CACUL1: variants seen among roughly 807,000 people sequenced by gnomAD.
CACUL1 encodes the protein CDK2-associated and cullin domain-containing protein 1.
Under a neutral mutation model 45.2 loss-of-function variants are expected in CACUL1, and 13 were observed. The observed-to-expected ratio is 0.29, with a 90% confidence interval of 0.19 to 0.46. The LOEUF (loss-of-function observed/expected upper bound fraction) is 0.46. CACUL1 is among the 20% of genes least tolerant of loss of function. The pLI, the probability that CACUL1 is intolerant of heterozygous loss-of-function variation, is 1.00. For missense variants in CACUL1, 421 were observed against 471.4 expected, an observed-to-expected ratio of 0.89 and a Z score of 0.99; for synonymous variants, 197 against 174.2, an observed-to-expected ratio of 1.13 and a Z score of -1.03.
At chr10:118,735,632 T>G (rs989768630) in intron 1 of CACUL1, among the ~76,000 whole-genome samples, 1 of 152,188 alleles carries the variant, frequency 6.6e-6, no homozygotes, top group East Asian at 1.9e-4. Flanking sequence ...TGCTAATATA[T>G]GGCTTGTCTG....
chr10:118,745,740 C>A (rs1414146258), intron 1 of CACUL1, among the ~76,000 whole-genome samples: 1 of 151,924 alleles, frequency 6.6e-6, no homozygotes, highest in Non-Finnish European at 1.5e-5. Flanking sequence ...ATGTTGTCTA[C>A]AAGAAATGTA....
rs34008762 is a variant in CACUL1, at chr10:118,708,147, C to CAAAA, written c.598-564_598-561dup. On this transcript the variant is annotated intron_variant, in intron 3 of 8. Coordinates refer to ENST00000369151, the MANE Select transcript of CACUL1 (RefSeq NM_153810.5). Reference sequence around the variant, plus strand: ...TGGGTGACAGAGCGAAACACTGTCTCAAAAAAAAAAAAAAAAAAAAGATGC... The same window carrying CAAAA: ...TGGGTGACAGAGCGAAACACTGTCTCAAAAAAAAAAAAAAAAAAAAAAAAGATGC... Among the ~76,000 whole-genome samples, 35 of 103,866 alleles carry CAAAA rather than the reference C, an allele frequency of 3.4e-4. 2 individuals are homozygous for CAAAA. Among genetic ancestry groups the CAAAA allele is most frequent in the Admixed American group, 1.3e-3 (12 of 8,922 alleles). The allele number at this position is 103,866 out of a possible 152,430, so 68.1% of individuals were successfully genotyped here. A position where few individuals can be genotyped will look rare whatever the true frequency, so the allele number is the denominator to read the frequency against.
rs4752188 is a variant in CACUL1 at position 118,679,614 on chromosome 10, G to A, written c.*6514C>T. On this transcript the variant is annotated 3_prime_UTR_variant, in exon 9 of 9. Coordinates refer to ENST00000369151, the MANE Select transcript of CACUL1 (RefSeq NM_153810.5). ...GTTCACTGAAACCTCTGCCTCCTGGGTTCAGGCGATTTTCCTGCCTCAGCC... is the reference window on the plus strand; with the variant it reads ...GTTCACTGAAACCTCTGCCTCCTGGATTCAGGCGATTTTCCTGCCTCAGCC... 0.57 allele frequency: 87,053 copies of A among 151,692 alleles called. 26,341 individuals carry two copies. Among genetic ancestry groups the A allele is most frequent in the Middle Eastern group, 0.7 (203 of 290 alleles). The allele number at this position is 151,692 out of a possible 1,614,324, so 9.4% of individuals were successfully genotyped here. A position where few individuals can be genotyped will look rare whatever the true frequency, so the allele number is the denominator to read the frequency against.
chr10:118,707,769 C>CT lies in CACUL1; in HGVS notation c.598-183dup, dbSNP rs556883160. 3.3e-5 allele frequency among the ~76,000 whole-genome samples: 5 copies of CT among 151,792 alleles called. No homozygotes were observed. In the East Asian group the frequency reaches 9.7e-4, roughly 29 times the overall value. On this transcript the variant is annotated intron_variant, in intron 3 of 8. Transcript: ENST00000369151. ...ACTTCCACCTTTGTTCCAAAATCTG[C>CT]TATGTAAAACTGAAGTTTAGCCATC... is the stretch of plus-strand genomic sequence containing the variant.
At chr10:118,701,713 C>T (rs181706021) in intron 4 of CACUL1, among the ~76,000 whole-genome samples, 1 of 152,326 alleles carries the variant, frequency 6.6e-6, no homozygotes, top group Admixed American at 6.5e-5. Flanking sequence ...TTTAAAAATA[C>T]ATCACCAAAA....
At chr10:118,712,716 C>T (rs1048558619) in intron 3 of CACUL1, among the ~76,000 whole-genome samples, 8 of 152,208 alleles carry the variant, frequency 5.3e-5, no homozygotes, top group African/African-American at 1.9e-4. Context: ...ACTGTGTGCA[C>T]AGCTCTCAGC....
At chr10:118,692,871 C>CA (rs932206795) in intron 6 of CACUL1, 1 of 152,162 alleles carries the variant, frequency 6.6e-6, no homozygotes, top group Non-Finnish European at 1.5e-5. Context: ...ATAAGCACTG[C>CA]AAATGATACA....
At chr10:118,701,666 G>A (rs1589605323) in intron 4 of CACUL1, among the ~76,000 whole-genome samples, 1 of 152,172 alleles carries the variant, frequency 6.6e-6, no homozygotes, top group Non-Finnish European at 1.5e-5. Flanking sequence ...AGACAGGGAT[G>A]TACAAACATT....
intron 8 of CACUL1, among the ~76,000 whole-genome samples, 183 bp downstream of exon 8, chr10:118,686,415 T>C (rs1005587149): frequency 6.6e-6 from 1 of 152,184 alleles, no homozygotes; most frequent in African/African-American, 2.4e-5. Flanking sequence ...TCCAATGCCC[T>C]GAGAACCATC....
chr10:118,739,368 G>A (rs568866169), intron 1 of CACUL1, among the ~76,000 whole-genome samples: 149 of 152,072 alleles, frequency 9.8e-4, no homozygotes, highest in African/African-American at 3.4e-3. Flanking sequence ...TGTAAAGGGA[G>A]AGAAATATTA....
intron 4 of CACUL1, 91 bp downstream of exon 4, chr10:118,707,401 G>T: frequency 1.7e-6 from 1 of 572,516 alleles, no homozygotes. Flanking sequence ...TGTAGTAAAA[G>T]AAAAACAGAA....
intron 7 of CACUL1, among the ~76,000 whole-genome samples, chr10:118,686,989 TTAGG>T (rs1845213762): frequency 6.6e-6 from 1 of 152,214 alleles, no homozygotes; most frequent in African/African-American, 2.4e-5. Flanking sequence ...ACTCAAATGC[TTAGG>T]TAATGAGAAA....
At chr10:118,687,735 T>C (rs892504184) in intron 7 of CACUL1, among the ~76,000 whole-genome samples, 1 of 152,228 alleles carries the variant, frequency 6.6e-6, no homozygotes, top group African/African-American at 2.4e-5. Flanking sequence ...CTCTGTTCAC[T>C]ATAAGTCAGC....
At chr10:118,735,359 G>C (rs1307943451) in intron 1 of CACUL1, among the ~76,000 whole-genome samples, 1 of 152,150 alleles carries the variant, frequency 6.6e-6, no homozygotes, top group Non-Finnish European at 1.5e-5. Context: ...TGCAGAGACT[G>C]ATCATTACTT....
In CACUL1 at chr10:118,694,947, T is replaced by C. The variant is rs1845308108; in HGVS notation, c.886+194A>G. ...ACAGGTTCTGCAAAAACCACACTAGTTGGTTTCCACTAGCAGAGAACATTC... is the reference window on the plus strand; with the variant it reads ...ACAGGTTCTGCAAAAACCACACTAGCTGGTTTCCACTAGCAGAGAACATTC... On this transcript the variant is annotated intron_variant, in intron 6 of 8. Transcript: ENST00000369151. 34 of 438,586 alleles carry C rather than the reference T, an allele frequency of 7.8e-5. No homozygotes were observed. In the South Asian group the frequency reaches 7.9e-4, roughly 10 times the overall value. 27.2% of individuals were successfully genotyped at this position (438,586 alleles called of 1,614,324 possible).
chr10:118,753,094 C>G (rs1044226956), intron 1 of CACUL1, among the ~76,000 whole-genome samples: 8 of 152,202 alleles, frequency 5.3e-5, no homozygotes, highest in African/African-American at 1.9e-4. Flanking sequence ...AGGAACTTTA[C>G]TAAGGCAATC....
chr10:118,744,512 G>A (rs1310371275), intron 1 of CACUL1, among the ~76,000 whole-genome samples: 4 of 152,204 alleles, frequency 2.6e-5, no homozygotes, highest in Non-Finnish European at 4.4e-5. Flanking sequence ...TTGCTTAATG[G>A]GTATGGAATG....
At chr10:118,721,413 T>A (rs1845598912) in intron 3 of CACUL1, among the ~76,000 whole-genome samples, 1 of 152,230 alleles carries the variant, frequency 6.6e-6, no homozygotes, top group African/African-American at 2.4e-5. Flanking sequence ...TCAACTTACT[T>A]ATTTTGCTTA....
rs1845154401 is a variant in CACUL1, at chr10:118,681,704, A to C, written c.*4424T>G. On this transcript the variant is annotated 3_prime_UTR_variant, in exon 9 of 9. Coordinates refer to ENST00000369151, the MANE Select transcript of CACUL1 (RefSeq NM_153810.5). ...TGAAGCTCAAATTAGCATTTCCTTTAATTCTCCCACAGCCACTCCATCAAC... is the reference window on the plus strand; with the variant it reads ...TGAAGCTCAAATTAGCATTTCCTTTCATTCTCCCACAGCCACTCCATCAAC... 1 of 152,216 alleles carries C rather than the reference A, an allele frequency of 6.6e-6. No homozygotes were observed. The highest frequency in any genetic ancestry group is 1.5e-5 in the Non-Finnish European group (1 of 68,060). The allele number at this position is 152,216 out of a possible 1,614,324, so 9.4% of individuals were successfully genotyped here. A position where few individuals can be genotyped will look rare whatever the true frequency, so the allele number is the denominator to read the frequency against.
Sources: gnomAD v4.1 joint callset for allele counts (sites outside exome capture counted in the v4.1 genomes callset) on GRCh38, gnomAD v4.1.1 for gene constraint, MANE v1.5 for transcripts, NCBI Gene and HGNC (gene_info 2026-07-23, HGNC 2026-07-21) for gene names.